CNTNAP5: variants seen among roughly 807,000 people sequenced by gnomAD.
CNTNAP5 encodes the protein contactin associated protein family member 5.
CNTNAP5 carries 72 observed loss-of-function variants against 150.2 expected under a neutral mutation model. The ratio of observed to expected loss-of-function variants is 0.48; its 90% CI spans 0.40 to 0.58. CNTNAP5 has a LOEUF of 0.58. Among genes scored for constraint, CNTNAP5 ranks in the 20% least tolerant of loss-of-function variants. The pLI is 0.00. For synonymous variants in CNTNAP5, 672 were observed against 619.8 expected (o/e 1.08, Z -1.25); for missense variants, 1,636 against 1,626.2 (o/e 1.01, Z -0.10).
chr2:124,137,797 G>T (rs997647932), intron 1 of CNTNAP5, among the ~76,000 whole-genome samples: 9 of 151,990 alleles, frequency 5.9e-5, no homozygotes, highest in African/African-American at 2.2e-4. Context: ...GTCGGTGGTC[G>T]CTGTGGAGAG....
intron 13 of CNTNAP5, among the ~76,000 whole-genome samples, chr2:124,734,597 C>A (rs777110953): frequency 6.6e-6 from 1 of 151,692 alleles, no homozygotes; most frequent in Non-Finnish European, 1.5e-5. Context: ...TTATAGTTGA[C>A]CAAGACAAAA....
At chr2:124,310,694 T>C (rs1233860783) in intron 3 of CNTNAP5, among the ~76,000 whole-genome samples, 1 of 152,188 alleles carries the variant, frequency 6.6e-6, no homozygotes, top group Non-Finnish European at 1.5e-5. Context: ...GTGGGATTTA[T>C]GGAAATTTTC....
intron 1 of CNTNAP5, among the ~76,000 whole-genome samples, chr2:124,091,333 G>C (rs2104686313): frequency 6.6e-6 from 1 of 152,254 alleles, no homozygotes; most frequent in South Asian, 2.1e-4. Flanking sequence ...GGAGTACTTG[G>C]TTCCCTGAGG....
chr2:124,317,944 G>A (rs1689008392), intron 3 of CNTNAP5, among the ~76,000 whole-genome samples: 1 of 152,030 alleles, frequency 6.6e-6, no homozygotes, highest in Non-Finnish European at 1.5e-5. Context: ...CTCCTTTTTT[G>A]TTTCTTTAAA....
intron 14 of CNTNAP5, among the ~76,000 whole-genome samples, chr2:124,762,188 A>G (rs1355617260): frequency 1.3e-5 from 2 of 152,116 alleles, no homozygotes; most frequent in Non-Finnish European, 2.9e-5. Context: ...GCCTTATTCT[A>G]TATCCTTTGA....
intron 19 of CNTNAP5, among the ~76,000 whole-genome samples, chr2:124,808,540 A>G (rs1682130852): frequency 6.6e-6 from 1 of 151,270 alleles, no homozygotes; most frequent in African/African-American, 2.4e-5. Flanking sequence ...GCGAGCCAAG[A>G]TTGCACCAGG....
chr2:124,256,687 A>G (rs149745120), intron 3 of CNTNAP5, among the ~76,000 whole-genome samples: 63 of 152,286 alleles, frequency 4.1e-4, no homozygotes, highest in Non-Finnish European at 6.9e-4. Context: ...TTAAAGAAGG[A>G]TATACTTAGT....
At chr2:124,082,679 T>G (rs1320358951) in intron 1 of CNTNAP5, among the ~76,000 whole-genome samples, 1 of 152,220 alleles carries the variant, frequency 6.6e-6, no homozygotes, top group Non-Finnish European at 1.5e-5. Flanking sequence ...GAAGTACAAT[T>G]GTTGGGCCAT....
At chr2:124,865,944 A>G (rs1677622980) in intron 20 of CNTNAP5, among the ~76,000 whole-genome samples, 1 of 151,728 alleles carries the variant, frequency 6.6e-6, no homozygotes, top group South Asian at 2.1e-4. Flanking sequence ...ACTTCATTAA[A>G]AAAAAAAATT....
chr2:124,601,265 G>C (rs942247326), intron 11 of CNTNAP5, among the ~76,000 whole-genome samples: 1 of 152,158 alleles, frequency 6.6e-6, no homozygotes, highest in Non-Finnish European at 1.5e-5. Context: ...TCAGCTCCGA[G>C]ATATTCCACA....
chr2:124,144,080 T>A (rs1684187183), intron 1 of CNTNAP5, among the ~76,000 whole-genome samples: 1 of 143,126 alleles, frequency 7.0e-6, no homozygotes, highest in Admixed American at 7.1e-5. Context: ...GAATCCAACT[T>A]ACAAGGGATG....
intron 19 of CNTNAP5, among the ~76,000 whole-genome samples, chr2:124,853,071 G>A (rs1045781754): frequency 9.2e-5 from 14 of 152,210 alleles, no homozygotes; most frequent in Non-Finnish European, 1.9e-4. Flanking sequence ...AATCAACATG[G>A]AGAAGAGCCT....
chr2:124,468,494 G>C (rs553648014), intron 6 of CNTNAP5, among the ~76,000 whole-genome samples: 1 of 152,152 alleles, frequency 6.6e-6, no homozygotes, highest in East Asian at 1.9e-4. Context: ...TTTTCTAGCA[G>C]TTCCGGCAGT....
At chr2:124,292,635 A>C (rs949344879) in intron 3 of CNTNAP5, among the ~76,000 whole-genome samples, 11 of 152,040 alleles carry the variant, frequency 7.2e-5, no homozygotes, top group African/African-American at 2.7e-4. Flanking sequence ...TTATTTGACA[A>C]GTTTTATTGT....
chr2:124,203,230 C>T (rs1685772935), intron 1 of CNTNAP5, among the ~76,000 whole-genome samples: 1 of 152,112 alleles, frequency 6.6e-6, no homozygotes, highest in Admixed American at 6.5e-5. Context: ...TCAAAATGAT[C>T]TCCTTTGACT....
chr2:124,627,759 T>C (rs1677759375), intron 12 of CNTNAP5, among the ~76,000 whole-genome samples: 1 of 152,072 alleles, frequency 6.6e-6, no homozygotes, highest in African/African-American at 2.4e-5. Flanking sequence ...TGGGTAATAA[T>C]AAACATCACT....
chr2:124,367,875 A>G (rs1279489930), intron 3 of CNTNAP5, among the ~76,000 whole-genome samples: 2 of 152,222 alleles, frequency 1.3e-5, no homozygotes, highest in Non-Finnish European at 2.9e-5. Flanking sequence ...GAGGACTAGC[A>G]GGTAATTTCT....
At chr2:124,705,566 G>T (rs1288103316) in intron 13 of CNTNAP5, among the ~76,000 whole-genome samples, 2 of 151,910 alleles carry the variant, frequency 1.3e-5, no homozygotes, top group Admixed American at 1.3e-4. Flanking sequence ...CAAATCCAAT[G>T]CTTACAATAG....
At chr2:124,442,049 C>T (rs902737231) in intron 5 of CNTNAP5, among the ~76,000 whole-genome samples, 5 of 152,096 alleles carry the variant, frequency 3.3e-5, no homozygotes, top group African/African-American at 7.2e-5. Context: ...AAGGTAGTCA[C>T]TATTTAAGAA....
Sources: allele counts gnomAD v4.1 joint callset (sites outside exome capture counted in the v4.1 genomes callset), GRCh38; gene constraint gnomAD v4.1.1; transcripts MANE v1.5; gene names NCBI Gene and HGNC (gene_info 2026-07-23, HGNC 2026-07-21).